COBL: variants seen among roughly 807,000 people sequenced by gnomAD.
COBL encodes cordon-bleu WH2 repeat protein, also known as protein cordon-bleu.
COBL carries 51 observed loss-of-function variants against 98.8 expected under a neutral mutation model. That is an observed-to-expected ratio of 0.52 (90% confidence interval 0.41 to 0.65). The LOEUF is 0.65. COBL is among the 30% of genes least tolerant of loss of function. The pLI, the probability that COBL is intolerant of heterozygous loss-of-function variation, is 0.00. For missense variants in COBL, 1,617 were observed against 1,617.5 expected (o/e 1.00, Z 0.01); for synonymous variants, 634 against 651.7 (o/e 0.97, Z 0.41).
At chr7:51,113,858 T>C (rs188605743) in intron 6 of COBL, among the ~76,000 whole-genome samples, 145 of 152,340 alleles carry the variant, frequency 9.5e-4, no homozygotes, top group Non-Finnish European at 1.9e-3. Context: ...ATATTCATTG[T>C]CTAAAAATAA....
intron 2 of COBL, among the ~76,000 whole-genome samples, chr7:51,217,843 A>G (rs1453176370): frequency 1.3e-5 from 2 of 152,254 alleles, no homozygotes; most frequent in African/African-American, 4.8e-5. Context: ...ACTTTATAAA[A>G]CAAAGAAACT....
At chr7:51,018,657 C>T (rs1786544391) in intron 12 of COBL, among the ~76,000 whole-genome samples, 1 of 151,582 alleles carries the variant, frequency 6.6e-6, no homozygotes, top group Non-Finnish European at 1.5e-5. Context: ...CTTTGGGAGG[C>T]CAAGGCGGGC....
chr7:51,030,955 G>A (rs1788079120), intron 8 of COBL, 46 bp from the exon 9 acceptor site: 2 of 1,235,860 alleles, frequency 1.6e-6, no homozygotes, highest in Non-Finnish European at 1.2e-6. Flanking sequence ...TCTTACTATT[G>A]ATTTAATGTA....
chr7:51,103,885 T>C (rs988080123), intron 6 of COBL, among the ~76,000 whole-genome samples: 3 of 152,334 alleles, frequency 2.0e-5, no homozygotes, highest in Admixed American at 6.5e-5. Flanking sequence ...GGGGTGCCCT[T>C]CCCGACAGGC....
chr7:51,083,871 G>A (rs1252806578), intron 7 of COBL, among the ~76,000 whole-genome samples: 1 of 152,178 alleles, frequency 6.6e-6, no homozygotes, highest in Admixed American at 6.5e-5. Flanking sequence ...CTGGGTTGAA[G>A]TGACTGGCCT....
In COBL at chr7:51,316,755, G is replaced by A. The variant is rs1199497182; in HGVS notation, c.-122C>T. 9.1e-6 allele frequency: 7 copies of A among 772,964 alleles called. No homozygotes were observed. The highest frequency in any genetic ancestry group is 1.2e-5 in the Non-Finnish European group (7 of 581,022). 47.9% of individuals were successfully genotyped at this position (772,964 alleles called of 1,614,324 possible). A position where few individuals can be genotyped will look rare whatever the true frequency, so the allele number is the denominator to read the frequency against. ...GCTGACCCATCGTCCTCCCACGCGG[G>A]CCGGCGGAGGACAGCGGCGGAGCGC... On this transcript the variant is annotated 5_prime_UTR_variant, in exon 1 of 13. Coordinates refer to ENST00000265136, the MANE Select transcript of COBL (RefSeq NM_015198.5).
intron 7 of COBL, among the ~76,000 whole-genome samples, chr7:51,069,110 T>C (rs1164624969): frequency 6.6e-6 from 1 of 152,202 alleles, no homozygotes; most frequent in African/African-American, 2.4e-5. Flanking sequence ...TTCTGGGGCA[T>C]TCCCTGCACA....
At chr7:51,172,078 C>T (rs1053612753) in intron 5 of COBL, among the ~76,000 whole-genome samples, 1 of 152,228 alleles carries the variant, frequency 6.6e-6, no homozygotes, top group Non-Finnish European at 1.5e-5. Flanking sequence ...CTTTCAAAGG[C>T]TCCGTGAACA....
In COBL at chr7:51,063,378, G is replaced by A. The variant is rs533941605; in HGVS notation, c.1097-19686C>T. ...TCGAACTCCTGACCTCAGGTGATCC[G>A]CCTGCCTCGGCCTCCCAAAGTGCTG... On this transcript the variant is annotated intron_variant, in intron 7 of 12. Transcript: ENST00000265136. 1.2e-4 allele frequency among the ~76,000 whole-genome samples: 19 copies of A among 152,226 alleles called. No homozygotes were observed. In the South Asian group the frequency reaches 3.5e-3, roughly 28 times the overall value.
intron 1 of COBL, among the ~76,000 whole-genome samples, chr7:51,256,878 G>C (rs1797245995): frequency 6.6e-6 from 1 of 152,112 alleles, no homozygotes; most frequent in Non-Finnish European, 1.5e-5. Flanking sequence ...ACTCTTCTTA[G>C]ACATGGAATT....
chr7:51,136,045 C>G lies in COBL; in HGVS notation c.957+113G>C, dbSNP rs116672533. On this transcript the variant is annotated intron_variant, in intron 6 of 12. Coordinates refer to ENST00000265136, the MANE Select transcript of COBL (RefSeq NM_015198.5). The stretch of plus-strand genomic sequence containing the variant: ...AGCTTAAATACTTGCCCCCAACACT[C>G]CAGTCGCTACAGCCACAAACATGAA... The G allele has an allele frequency of 3.5e-3, 4,635 of 1,336,264 alleles. 127 individuals are homozygous for G. The African/African-American group carries it at 0.059, about 17-fold the overall frequency. 82.8% of individuals were successfully genotyped at this position (1,336,264 alleles called of 1,614,324 possible).
intron 7 of COBL, among the ~76,000 whole-genome samples, chr7:51,052,929 A>G (rs1373964329): frequency 6.6e-6 from 1 of 152,198 alleles, no homozygotes; most frequent in African/African-American, 2.4e-5. Flanking sequence ...AAATGACCAA[A>G]TTATTAAATA....
chr7:51,258,553 T>C (rs916188603), intron 1 of COBL, among the ~76,000 whole-genome samples: 2 of 152,214 alleles, frequency 1.3e-5, no homozygotes, highest in Non-Finnish European at 2.9e-5. Flanking sequence ...ACCTACTGTC[T>C]TTTCTTTGAC....
intron 7 of COBL, among the ~76,000 whole-genome samples, chr7:51,059,606 C>A (rs1791114773): frequency 8.8e-6 from 1 of 113,000 alleles, no homozygotes; most frequent in African/African-American, 3.4e-5. Context: ...CCCAGGAAGC[C>A]TTGGGATTGT....
At position 51,055,307 on chromosome 7, in the gene COBL, C is replaced by A. The variant is rs75677368; in HGVS notation, c.1097-11615G>T. Among the ~76,000 whole-genome samples the A allele has an allele frequency of 8.4e-3, 1,279 of 152,270 alleles. 39 individuals carry two copies. The highest frequency in any genetic ancestry group is 0.064 in the East Asian group (330 of 5,162). Reference sequence around the variant, plus strand: ...CATGTCCTTCCAGCTTGGCGCTCAGCCCCTCAAGGGCTGCGGGAAACTCAA... The same window carrying A: ...CATGTCCTTCCAGCTTGGCGCTCAGACCCTCAAGGGCTGCGGGAAACTCAA... On this transcript the variant is annotated intron_variant, in intron 7 of 12. Coordinates refer to ENST00000265136, the MANE Select transcript of COBL (RefSeq NM_015198.5).
At chr7:51,252,759 T>G (rs555769069) in intron 1 of COBL, among the ~76,000 whole-genome samples, 3 of 152,296 alleles carry the variant, frequency 2.0e-5, no homozygotes, top group Admixed American at 2.0e-4. Flanking sequence ...GAGGCTGGCC[T>G]CTAGATTATT....
At chr7:51,259,760 T>G in intron 1 of COBL, 1 of 747,688 alleles carries the variant, frequency 1.3e-6, no homozygotes, top group South Asian at 1.3e-5. Context: ...CCAGATCACA[T>G]AAGTTTCCAC....
intron 2 of COBL, among the ~76,000 whole-genome samples, chr7:51,196,667 G>A (rs1454499595): frequency 6.7e-6 from 1 of 149,856 alleles, no homozygotes; most frequent in Non-Finnish European, 1.5e-5. Flanking sequence ...CTTTTTTTTT[G>A]GTTGGTAGGC....
At chr7:51,248,241 T>C (rs1796431500) in intron 1 of COBL, among the ~76,000 whole-genome samples, 1 of 152,210 alleles carries the variant, frequency 6.6e-6, no homozygotes, top group Admixed American at 6.5e-5. Flanking sequence ...TATGAAACGA[T>C]TCATATCATA....
Sources: gnomAD v4.1 joint callset for allele counts (sites outside exome capture counted in the v4.1 genomes callset) on GRCh38, gnomAD v4.1.1 for gene constraint, MANE v1.5 for transcripts, NCBI Gene and HGNC (gene_info 2026-07-23, HGNC 2026-07-21) for gene names.